STAT3: variants seen among roughly 807,000 people sequenced by gnomAD.
STAT3 encodes the protein signal transducer and activator of transcription 3.
Under a neutral mutation model 114.3 loss-of-function variants are expected in STAT3, and 7 were observed. That is an observed-to-expected ratio of 0.06 (90% CI 0.03 to 0.11). The LOEUF is 0.11. STAT3 is among the 10% of genes least tolerant of loss of function. The pLI is 1.00. For synonymous variants in STAT3, 331 were observed against 354.5 expected (o/e 0.93, Z 0.74); for missense variants, 364 against 960.9 (o/e 0.38, Z 8.21).
chr17:42,380,806 C>A (rs531053854), intron 1 of STAT3, among the ~76,000 whole-genome samples: 1 of 152,070 alleles, frequency 6.6e-6, no homozygotes, highest in Non-Finnish European at 1.5e-5. Flanking sequence ...CCAGCTACCC[C>A]GAAGGCTGAG....
intron 11 of STAT3, among the ~76,000 whole-genome samples, chr17:42,330,800 G>A (rs1278120875): frequency 6.6e-6 from 1 of 152,044 alleles, no homozygotes; most frequent in Non-Finnish European, 1.5e-5. Flanking sequence ...GTGAAATTTT[G>A]CGTATTCCAT....
At chr17:42,378,803 T>C (rs773299905) in intron 1 of STAT3, among the ~76,000 whole-genome samples, 2 of 152,186 alleles carry the variant, frequency 1.3e-5, no homozygotes, top group Non-Finnish European at 2.9e-5. Context: ...CAAGATTACA[T>C]TGTGGGGAGA....
intron 1 of STAT3, among the ~76,000 whole-genome samples, chr17:42,381,877 T>A (rs573146646): frequency 6.6e-6 from 1 of 152,318 alleles, no homozygotes; most frequent in African/African-American, 2.4e-5. Flanking sequence ...CAAGTCTTTT[T>A]TTTTATAATA....
At chr17:42,321,188 T>C (rs2081466903) in intron 21 of STAT3, among the ~76,000 whole-genome samples, 1 of 148,274 alleles carries the variant, frequency 6.7e-6, no homozygotes. Context: ...GGTGCGATCA[T>C]GGCTCACTGC....
chr17:42,359,954 G>A (rs2083426901), intron 1 of STAT3, among the ~76,000 whole-genome samples: 1 of 151,490 alleles, frequency 6.6e-6, no homozygotes, highest in South Asian at 2.1e-4. Context: ...CAGCTACTTG[G>A]GAGGCTGAGG....
intron 11 of STAT3, among the ~76,000 whole-genome samples, chr17:42,330,264 G>A (rs1054120790): frequency 6.7e-6 from 1 of 150,302 alleles, no homozygotes; most frequent in Admixed American, 6.6e-5. Flanking sequence ...TTACGGGCAT[G>A]CGCCAACACA....
chr17:42,369,434 T>C (rs968882393), intron 1 of STAT3, among the ~76,000 whole-genome samples: 1 of 152,184 alleles, frequency 6.6e-6, no homozygotes, highest in African/African-American at 2.4e-5. Context: ...CCACAGTGTA[T>C]GTACCACATT....
At chr17:42,326,084 T>G in intron 15 of STAT3, 32 bp downstream of exon 15, 2 of 1,600,748 alleles carry the variant, frequency 1.2e-6, no homozygotes, top group South Asian at 1.1e-5. Flanking sequence ...CCCCTGTACG[T>G]AGCCTCTCAC....
chr17:42,380,617 G>C (rs1195217971), intron 1 of STAT3, among the ~76,000 whole-genome samples: 1 of 151,482 alleles, frequency 6.6e-6, no homozygotes, highest in Non-Finnish European at 1.5e-5. Flanking sequence ...TTGAACTCCT[G>C]ACCTCAGGTG....
intron 21 of STAT3, among the ~76,000 whole-genome samples, chr17:42,317,940 C>T (rs2081315690): frequency 6.6e-6 from 1 of 152,148 alleles, no homozygotes; most frequent in Non-Finnish European, 1.5e-5. Flanking sequence ...GGCATGGTCT[C>T]TCTCTTTTGT....
At chr17:42,378,738 T>C (rs950506161) in intron 1 of STAT3, among the ~76,000 whole-genome samples, 3 of 152,334 alleles carry the variant, frequency 2.0e-5, no homozygotes, top group African/African-American at 7.2e-5. Context: ...AATGCAATAT[T>C]GCACTTTGTT....
At chr17:42,328,655 G>A (rs1456750945) in intron 14 of STAT3, among the ~76,000 whole-genome samples, 2 of 152,172 alleles carry the variant, frequency 1.3e-5, no homozygotes, top group Non-Finnish European at 2.9e-5. Context: ...TGACCAGCCT[G>A]CCTTGGCATC....
intron 1 of STAT3, among the ~76,000 whole-genome samples, chr17:42,354,334 T>C (rs576759750): frequency 6.6e-6 from 1 of 150,924 alleles, no homozygotes; most frequent in South Asian, 2.1e-4. Context: ...CACGCCCGGC[T>C]AATTTTTGTA....
At chr17:42,343,708 C>T (rs545092023) in intron 4 of STAT3, among the ~76,000 whole-genome samples, 15 of 152,186 alleles carry the variant, frequency 9.9e-5, no homozygotes, top group Middle Eastern at 3.4e-3. Flanking sequence ...CCACCTTGGC[C>T]TCCCAAAGTG....
intron 3 of STAT3, 69 bp downstream of exon 3, chr17:42,346,500 T>G: frequency 5.0e-6 from 8 of 1,606,628 alleles, no homozygotes; most frequent in Non-Finnish European, 6.8e-6. Flanking sequence ...AAGAGATGCT[T>G]CCAGGAAAGA....
intron 1 of STAT3, among the ~76,000 whole-genome samples, chr17:42,360,216 A>G (rs937627977): frequency 1.3e-5 from 2 of 151,672 alleles, no homozygotes; most frequent in African/African-American, 4.8e-5. Flanking sequence ...TTTTTAAATT[A>G]GAGATGGCGT....
chr17:42,316,612 G>A, intron 23 of STAT3, 177 bp downstream of exon 23: 1 of 1,485,492 alleles, frequency 6.7e-7, no homozygotes, highest in South Asian at 1.2e-5. Flanking sequence ...TTTCCAGTGT[G>A]GCTGCTAGAA....
intron 4 of STAT3, among the ~76,000 whole-genome samples, chr17:42,342,055 G>GA (rs887805275): frequency 2.0e-5 from 3 of 152,034 alleles, no homozygotes; most frequent in Non-Finnish European, 2.9e-5. Flanking sequence ...AAATACAAAG[G>GA]TTTTCCACAG....
intron 2 of STAT3, among the ~76,000 whole-genome samples, 186 bp downstream of exon 2, chr17:42,348,203 T>G (rs1376161640): frequency 2.0e-5 from 3 of 152,196 alleles, no homozygotes; most frequent in Admixed American, 6.5e-5. Context: ...GTTGCCCACA[T>G]GCCCTTCTAA....
Sources: gnomAD v4.1 joint callset for allele counts (sites outside exome capture counted in the v4.1 genomes callset) on GRCh38, gnomAD v4.1.1 for gene constraint, MANE v1.5 for transcripts, NCBI Gene and HGNC (gene_info 2026-07-23, HGNC 2026-07-21) for gene names.